The following GPBP1L1 variants were observed in gnomAD, a reference collection of about 807,000 sequenced individuals.
The protein encoded by GPBP1L1 is GC-rich promoter binding protein 1 like 1, also known as vasculin-like protein 1.
In GPBP1L1, 23 loss-of-function variants were observed where a neutral mutation model predicts 52.5. That is an observed-to-expected ratio of 0.44 (90% CI 0.32 to 0.62). GPBP1L1 has a LOEUF of 0.62. Among genes scored for constraint, GPBP1L1 ranks in the 20% least tolerant of loss-of-function variants. GPBP1L1 has a pLI of 0.06. For missense variants in GPBP1L1, 596 were observed against 579.3 expected (o/e 1.03, Z -0.30); for synonymous variants, 243 against 203.1 (o/e 1.20, Z -1.67).
At chr1:45,657,280 T>C (rs113444595) in intron 4 of GPBP1L1, among the ~76,000 whole-genome samples, 1,853 of 152,274 alleles carry the variant, frequency 0.012, 21 homozygotes, top group Non-Finnish European at 0.02. Flanking sequence ...ATTGCTGTAA[T>C]CCCAGCACTT....
At chr1:45,685,861 G>A (rs765841946) in intron 1 of GPBP1L1, among the ~76,000 whole-genome samples, 73 of 152,116 alleles carry the variant, frequency 4.8e-4, no homozygotes, top group Non-Finnish European at 3.8e-4. Context: ...GCCCCTCCAA[G>A]GAAAGGAGGT....
intron 2 of GPBP1L1, among the ~76,000 whole-genome samples, chr1:45,675,408 G>T (rs949849506): frequency 1.3e-5 from 2 of 151,984 alleles, no homozygotes; most frequent in Admixed American, 6.6e-5. Context: ...CTTACAAATG[G>T]GACACACTTG....
At position 45,645,995 on chromosome 1, in the gene GPBP1L1, T is replaced by C. The variant is rs201264993; in HGVS notation, c.478-3496A>G. Reference sequence around the variant, plus strand: ...TCAAAGCTGGGGCTCTACACTTGTTTAGCCTGCCTGTGAGGTTCACAATTT... The same window carrying C: ...TCAAAGCTGGGGCTCTACACTTGTTCAGCCTGCCTGTGAGGTTCACAATTT... On this transcript the variant is annotated intron_variant, in intron 6 of 12. Coordinates refer to ENST00000355105, the MANE Select transcript of GPBP1L1 (RefSeq NM_021639.5). 4.3e-5 allele frequency: 22 copies of C among 508,496 alleles called. No homozygotes were observed. The East Asian group carries it at 1.2e-3, about 27-fold the overall frequency. The allele number at this position is 508,496 out of a possible 1,614,324, so 31.5% of individuals were successfully genotyped here. A position where few individuals can be genotyped will look rare whatever the true frequency, so the allele number is the denominator to read the frequency against.
intron 12 of GPBP1L1, among the ~76,000 whole-genome samples, chr1:45,629,158 C>A (rs939716601): frequency 6.6e-6 from 1 of 152,206 alleles, no homozygotes; most frequent in South Asian, 2.1e-4. Flanking sequence ...CAAGCAACTG[C>A]TGGATAAACT....
chr1:45,677,429 G>A (rs1187384142), intron 2 of GPBP1L1, among the ~76,000 whole-genome samples: 3 of 151,876 alleles, frequency 2.0e-5, no homozygotes, highest in Non-Finnish European at 4.4e-5. Context: ...AGCCTGGGAA[G>A]TCAAGACTAC....
intron 2 of GPBP1L1, among the ~76,000 whole-genome samples, chr1:45,676,982 G>A (rs1392554342): frequency 6.6e-6 from 1 of 151,760 alleles, no homozygotes; most frequent in Non-Finnish European, 1.5e-5. Context: ...TTGAGCCCAG[G>A]AGTTTGCCAT....
chr1:45,668,443 C>T (rs1645036036), intron 2 of GPBP1L1, among the ~76,000 whole-genome samples: 1 of 152,118 alleles, frequency 6.6e-6, no homozygotes, highest in East Asian at 1.9e-4. Flanking sequence ...AACTTGAGGT[C>T]AGGGGTTCAA....
intron 2 of GPBP1L1, among the ~76,000 whole-genome samples, chr1:45,684,273 A>G (rs1371075199): frequency 3.3e-5 from 5 of 150,706 alleles, no homozygotes; most frequent in African/African-American, 1.2e-4. Flanking sequence ...AAAAAAAAAA[A>G]AAAAGAAAAA....
At chr1:45,669,920 T>G (rs1450017942) in intron 2 of GPBP1L1, among the ~76,000 whole-genome samples, 1 of 152,260 alleles carries the variant, frequency 6.6e-6, no homozygotes, top group Admixed American at 6.5e-5. Flanking sequence ...CCTGTATCAC[T>G]AGTTATCAAT....
rs1273115684 is a variant in GPBP1L1, at chr1:45,685,630, A to C, written c.-1142-10T>G. 1 of 152,240 alleles carries C rather than the reference A, an allele frequency of 6.6e-6. No individual in the cohort carries two copies. The highest frequency in any genetic ancestry group is 1.9e-4 in the East Asian group (1 of 5,196). 9.4% of individuals were successfully genotyped at this position (152,240 alleles called of 1,614,324 possible). On this transcript the variant is annotated splice_polypyrimidine_tract_variant and intron_variant, in intron 1 of 12. Coordinates refer to ENST00000355105, the MANE Select transcript of GPBP1L1 (RefSeq NM_021639.5). ...AAAGGTGAGACACCAACTGCAAAAA[A>C]CCAAAATATCAAAAGATTCAGTTAA...
chr1:45,632,569 A>G (rs1395771571), intron 10 of GPBP1L1, among the ~76,000 whole-genome samples: 1 of 151,606 alleles, frequency 6.6e-6, no homozygotes, highest in African/African-American at 2.4e-5. Flanking sequence ...TACAAAAATT[A>G]GCTGGGCGTG....
intron 6 of GPBP1L1, among the ~76,000 whole-genome samples, chr1:45,646,846 C>T (rs927422266): frequency 1.1e-4 from 16 of 152,034 alleles, no homozygotes; most frequent in South Asian, 4.2e-4. Context: ...TGTGAGCCAC[C>T]GTACCCGGCC....
chr1:45,656,784 G>C (rs1644889962), intron 4 of GPBP1L1, among the ~76,000 whole-genome samples: 1 of 151,344 alleles, frequency 6.6e-6, no homozygotes, highest in Non-Finnish European at 1.5e-5. Flanking sequence ...TCCTGCCTTA[G>C]CCTCCCAAGT....
upstream of GPBP1L1, chr1:45,688,030 C>T (rs929900984): frequency 6.6e-6 from 1 of 152,198 alleles, no homozygotes; most frequent in Admixed American, 6.5e-5. Flanking sequence ...TGGAATAGAA[C>T]TTCAAGGACC....
chr1:45,645,253 G>A lies in GPBP1L1; in HGVS notation c.478-2754C>T, dbSNP rs1190266932. On this transcript the variant is annotated intron_variant, in intron 6 of 12. Transcript: ENST00000355105. The stretch of plus-strand genomic sequence containing the variant: ...CTATGGGGTTGTTCACTGTTTTTAT[G>A]TCTTTTCAGTGGACAGAACCGCCTA... 3.3e-5 allele frequency among the ~76,000 whole-genome samples: 5 copies of A among 152,066 alleles called. No homozygotes were observed. In the East Asian group the frequency reaches 7.7e-4, roughly 23 times the overall value.
chr1:45,647,102 A>G (rs902316037), intron 6 of GPBP1L1, among the ~76,000 whole-genome samples: 2 of 148,144 alleles, frequency 1.4e-5, no homozygotes, highest in African/African-American at 4.9e-5. Flanking sequence ...CTTCTTTTCA[A>G]GAGTTCTAGC....
chr1:45,664,648 A>AG (rs1310151188), intron 2 of GPBP1L1, among the ~76,000 whole-genome samples: 16 of 151,318 alleles, frequency 1.1e-4, no homozygotes, highest in Admixed American at 9.9e-4. Context: ...CAAATGCCTG[A>AG]GCTCAAGCAT....
At position 45,651,083 on chromosome 1, in the gene GPBP1L1, G is replaced by A. The variant is rs188513636; in HGVS notation, c.477+3460C>T. On this transcript the variant is annotated intron_variant, in intron 6 of 12. Coordinates refer to ENST00000355105, the MANE Select transcript of GPBP1L1 (RefSeq NM_021639.5). ...TTTGCCTTTTTGAGCTTGGCAATGC[G>A]AGTCACAGACTTGGGACCCAGGACA... The A allele has an allele frequency of 8.1e-4, 406 of 503,582 alleles. 3 individuals are homozygous for A. The highest frequency in any genetic ancestry group is 6.6e-3 in the African/African-American group (340 of 51,760). 31.2% of individuals were successfully genotyped at this position (503,582 alleles called of 1,614,324 possible).
At chr1:45,632,340 T>A (rs760261699) in intron 10 of GPBP1L1, among the ~76,000 whole-genome samples, 1 of 151,886 alleles carries the variant, frequency 6.6e-6, no homozygotes, top group Non-Finnish European at 1.5e-5. Flanking sequence ...AAGGCGGTGG[T>A]TGCAGTAAGC....
Sources: gnomAD v4.1 joint callset for allele counts (sites outside exome capture counted in the v4.1 genomes callset) on GRCh38, gnomAD v4.1.1 for gene constraint, MANE v1.5 for transcripts, NCBI Gene and HGNC (gene_info 2026-07-23, HGNC 2026-07-21) for gene names.